Variants in BARHL1 observed in about 807,000 individuals in gnomAD.
BARHL1 encodes the protein BarH like homeobox 1.
A neutral mutation model predicts 20.1 loss-of-function variants in BARHL1; 2 were observed. The ratio of observed to expected loss-of-function variants is 0.10; its 90% CI spans 0.04 to 0.31. The LOEUF is 0.31. Among genes scored for constraint, BARHL1 ranks in the 10% least tolerant of loss-of-function variants. The probability of loss-of-function intolerance (pLI) is 1.00; values close to 1 mark genes in which losing one functional copy is unlikely to be tolerated. For synonymous variants in BARHL1, 213 were observed against 209.9 expected (o/e 1.01, Z -0.13); for missense variants, 397 against 454.0 (o/e 0.87, Z 1.14).
Position 132,587,445 on chromosome 9 carries a change from C to G in BARHL1, c.583C>G (p.Arg195Gly). The G allele has an allele frequency of 6.2e-7, 1 of 1,612,552 alleles. No homozygotes were observed. Among genetic ancestry groups the G allele is most frequent in the Non-Finnish European group, 8.5e-7 (1 of 1,179,664 alleles). ...CGACCATCAGCTGGCGCAGCTGGAGCGCAGCTTCGAGCGGCAGAAGTACCT... is the reference window on the plus strand; with the variant it reads ...CGACCATCAGCTGGCGCAGCTGGAGGGCAGCTTCGAGCGGCAGAAGTACCT... Reference protein sequence around the residue: ...FTDHQLAQLERSFERQKYLSV... With the variant: ...FTDHQLAQLEGSFERQKYLSV... The change falls in exon 2 of 3, where the codon CGC becomes GGC. Residue 195 changes from arginine (R) to glycine (G), a missense_variant. This residue lies in a region of BARHL1 where 272 missense variants were observed against 298.7 expected (regional missense o/e 0.91). Coordinates refer to ENST00000263610, the MANE Select transcript of BARHL1 (RefSeq NM_020064.4). The surrounding 1 kb of genome is among the most constrained non-coding windows in gnomAD (Gnocchi z 5.5).
Position 132,587,841 on chromosome 9 carries a change from C to T in BARHL1, c.689+290C>T, listed in dbSNP as rs1347539391. Among the ~76,000 whole-genome samples the T allele has an allele frequency of 2.0e-5, 3 of 152,204 alleles. No individual in the cohort carries two copies. The highest frequency in any genetic ancestry group is 1.9e-4 in the East Asian group (1 of 5,174). On this transcript the variant is annotated intron_variant, in intron 2 of 2. Coordinates refer to ENST00000263610, the MANE Select transcript of BARHL1 (RefSeq NM_020064.4). This position sits in a 1 kb window ranked among gnomAD's most constrained non-coding sequence, Gnocchi z 5.5. ...AATCCAAGTCCTGCCCCAGCTCAGC[C>T]GGAGTGGGGGGAGGTCTGCCTGGAG...
In BARHL1 at chr9:132,582,645, C is replaced by G. The variant is rs960743735; in HGVS notation, c.-153C>G. The G allele has an allele frequency of 1.4e-4, 95 of 676,602 alleles. No individual in the cohort carries two copies. In the East Asian group the frequency reaches 2.1e-3, roughly 15 times the overall value. The allele number at this position is 676,602 out of a possible 1,614,324, so 41.9% of individuals were successfully genotyped here. On this transcript the variant is annotated 5_prime_UTR_variant, in exon 1 of 3. Transcript: ENST00000263610. ...GCGCAGAGGAGGTTGGCCCAGAGCTCCCGGGCTCCCCCAAGGCTGAACTCC... is the reference window on the plus strand; with the variant it reads ...GCGCAGAGGAGGTTGGCCCAGAGCTGCCGGGCTCCCCCAAGGCTGAACTCC...
chr9:132,589,328 C>G lies in BARHL1; in HGVS notation c.790C>G (p.Pro264Ala). Residue 264 changes from proline (P) to alanine (A), a missense_variant, in exon 3 of 3, where the codon CCG (proline) becomes GCG (alanine). Transcript: ENST00000263610. The stretch of plus-strand genomic sequence containing the variant: ...GATGTTCCCGTCGCCTTATTTCTAC[C>G]CGCAGAGTCTGGTTTCCAACCTGGA... ...QRMFPSPYFY[P>A]QSLVSNLDPG... 2 of 1,613,624 alleles carry G rather than the reference C, an allele frequency of 1.2e-6. No individual in the cohort carries two copies. The highest frequency in any genetic ancestry group is 8.5e-7 in the Non-Finnish European group (1 of 1,180,000).
At position 132,582,608 on chromosome 9, in the gene BARHL1, T is replaced by G; in HGVS notation, c.-190T>G. The G allele has an allele frequency of 7.0e-6, 4 of 568,514 alleles. No individual in the cohort carries two copies. The highest frequency in any genetic ancestry group is 9.3e-6 in the Non-Finnish European group (3 of 321,794). 35.2% of individuals were successfully genotyped at this position (568,514 alleles called of 1,614,324 possible). On this transcript the variant is annotated 5_prime_UTR_variant, in exon 1 of 3. Coordinates refer to ENST00000263610, the MANE Select transcript of BARHL1 (RefSeq NM_020064.4). ...TGCTGCAGAAGACGCACTGAGCCCT[T>G]TTGGATCTAATGCGCAGAGGAGGTT...
Position 132,589,562 on chromosome 9 carries a change from C to T in BARHL1, c.*40C>T, listed in dbSNP as rs1177333871. On this transcript the variant is annotated 3_prime_UTR_variant, in exon 3 of 3. Coordinates refer to ENST00000263610, the MANE Select transcript of BARHL1 (RefSeq NM_020064.4). ...CCGGGGCCTCCTCCCGCGGGCTCGGCGTGGCCCCTTCCGCCCGCCTTTCTG... is the reference window on the plus strand; with the variant it reads ...CCGGGGCCTCCTCCCGCGGGCTCGGTGTGGCCCCTTCCGCCCGCCTTTCTG... The T allele has an allele frequency of 8.0e-7, 1 of 1,252,370 alleles. No individual in the cohort carries two copies. The highest frequency in any genetic ancestry group is 1.0e-6 in the Non-Finnish European group (1 of 1,002,548). 77.6% of individuals were successfully genotyped at this position (1,252,370 alleles called of 1,614,324 possible). A position where few individuals can be genotyped will look rare whatever the true frequency, so the allele number is the denominator to read the frequency against.
rs1368618643 is a variant in BARHL1 at position 132,589,248 on chromosome 9, C to T, written c.710C>T (p.Thr237Met). Residue 237 changes from threonine to methionine, a missense_variant, in exon 3 of 3, where the codon ACG (threonine) becomes ATG (methionine). Physicochemically the swap from Thr to Met is moderately conservative, Grantham distance 81. Around this residue, in one of 3 missense-constraint regions of BARHL1, gnomAD observed 121 missense variants for 135.9 expected, o/e 0.89. Transcript: ENST00000263610. ...CCCAGGACTAAATGGAAGCGACAGA[C>T]GGCCGTCGGGTTGGAGCTGCTGGCG... Reference protein sequence around the residue: ...QNRRTKWKRQTAVGLELLAEA... With the variant: ...QNRRTKWKRQMAVGLELLAEA... 2 of 1,612,040 alleles carry T rather than the reference C, an allele frequency of 1.2e-6. No homozygotes were observed. The highest frequency in any genetic ancestry group is 1.7e-5 in the Admixed American group (1 of 59,788).
At chr9:132,586,342 T>G (rs939126085) in intron 1 of BARHL1, among the ~76,000 whole-genome samples, 57 of 152,136 alleles carry the variant, frequency 3.7e-4, no homozygotes, top group African/African-American at 1.3e-3. Context: ...GCCGCCAATT[T>G]TGGGGAAGTG....
rs1282969031 is a variant in BARHL1, at chr9:132,587,313, G to T, written c.467-16G>T. 7.6e-6 allele frequency: 12 copies of T among 1,585,504 alleles called. No homozygotes were observed. Among genetic ancestry groups the T allele is most frequent in the Non-Finnish European group, 7.7e-6 (9 of 1,168,310 alleles). ...CGGCTGCGAGGCCGGGCCCTGACAT[G>T]CCGCTGTGTCCGCAGTGAAGGAGGA... On this transcript the variant is annotated splice_polypyrimidine_tract_variant and intron_variant, in intron 1 of 2. Coordinates refer to ENST00000263610, the MANE Select transcript of BARHL1 (RefSeq NM_020064.4). The surrounding 1 kb of genome is among the most constrained non-coding windows in gnomAD (Gnocchi z 5.5).
chr9:132,587,289 G>T lies in BARHL1; in HGVS notation c.467-40G>T. Reference sequence around the variant, plus strand: ...GCAGGAGCGGGAGGGCACCGGCGGCGGCTGCGAGGCCGGGCCCTGACATGC... The same window carrying T: ...GCAGGAGCGGGAGGGCACCGGCGGCTGCTGCGAGGCCGGGCCCTGACATGC... On this transcript the variant is annotated intron_variant, in intron 1 of 2. Transcript: ENST00000263610. This position sits in a 1 kb window ranked among gnomAD's most constrained non-coding sequence, Gnocchi z 5.5. The T allele has an allele frequency of 6.5e-7, 1 of 1,538,168 alleles. No homozygotes were observed.
chr9:132,582,732 G>C lies in BARHL1; in HGVS notation c.-66G>C. On this transcript the variant is annotated 5_prime_UTR_variant, in exon 1 of 3. Transcript: ENST00000263610. ...CATGCCAGCCCGCAGCTAGGGGCAG[G>C]GGCAGCGGCGGCTGGGGTTGGGGGT... 1 of 1,386,316 alleles carries C rather than the reference G, an allele frequency of 7.2e-7. No homozygotes were observed. The highest frequency in any genetic ancestry group is 9.8e-7 in the Non-Finnish European group (1 of 1,020,762). The allele number at this position is 1,386,316 out of a possible 1,614,324, so 85.9% of individuals were successfully genotyped here.
Position 132,587,549 on chromosome 9 carries a change from C to G in BARHL1, c.687C>G (p.Arg229=). 6.2e-7 allele frequency: 1 copy of G among 1,608,588 alleles called. No homozygotes were observed. The highest frequency in any genetic ancestry group is 8.5e-7 in the Non-Finnish European group (1 of 1,177,330). The change falls in exon 2 of 3, where the codon CGC becomes CGG. Residue 229 remains arginine, a splice_region_variant and synonymous_variant. Coordinates refer to ENST00000263610, the MANE Select transcript of BARHL1 (RefSeq NM_020064.4). This position sits in a 1 kb window ranked among gnomAD's most constrained non-coding sequence, Gnocchi z 5.5. ...AGGTCAAGACCTGGTACCAGAACCG[C>G]AGGTGAGGCCTGGCTGCGGGGGTAG... is the stretch of plus-strand genomic sequence containing the variant. ...DTQVKTWYQN[R]RTKWKRQTAV...
At position 132,589,623 on chromosome 9, in the gene BARHL1, C is replaced by G. The variant is rs956853942; in HGVS notation, c.*101C>G. On this transcript the variant is annotated 3_prime_UTR_variant, in exon 3 of 3. Transcript: ENST00000263610. ...TTCGACGCCCTTTCCCGGGAGGGGG[C>G]CCTGCCCGGCCCTCCCTGGCGCCCC... 3.3e-6 allele frequency: 4 copies of G among 1,223,732 alleles called. No individual in the cohort carries two copies. Among genetic ancestry groups the G allele is most frequent in the Admixed American group, 4.4e-5 (1 of 22,744 alleles). The allele number at this position is 1,223,732 out of a possible 1,614,324, so 75.8% of individuals were successfully genotyped here. A position where few individuals can be genotyped will look rare whatever the true frequency, so the allele number is the denominator to read the frequency against.
chr9:132,584,121 AGAAGGAAGGAAG>A (rs67522848), intron 1 of BARHL1, among the ~76,000 whole-genome samples: 3,120 of 144,192 alleles, frequency 0.022, 117 homozygotes, highest in African/African-American at 0.07. Context: ...AAGGAAAGGG[AGAAGGAAGGAAG>A]GAAGGAAGGA....
Position 132,587,857 on chromosome 9 carries a change from C to T in BARHL1, c.689+306C>T, listed in dbSNP as rs1589938755. ...CAGCTCAGCCGGAGTGGGGGGAGGT[C>T]TGCCTGGAGCCCCCACCTGAGCCAG... On this transcript the variant is annotated intron_variant, in intron 2 of 2. Transcript: ENST00000263610. The surrounding 1 kb of genome is among the most constrained non-coding windows in gnomAD (Gnocchi z 5.5). 6.6e-6 allele frequency among the ~76,000 whole-genome samples: 1 copy of T among 152,206 alleles called. No homozygotes were observed. The highest frequency in any genetic ancestry group is 1.9e-4 in the East Asian group (1 of 5,188).
At position 132,589,721 on chromosome 9, in the gene BARHL1, C is replaced by A. The variant is rs544968589; in HGVS notation, c.*199C>A. The A allele has an allele frequency of 5.7e-6, 4 of 695,672 alleles. No homozygotes were observed. In the African/African-American group the frequency reaches 7.5e-5, roughly 13 times the overall value. 43.1% of individuals were successfully genotyped at this position (695,672 alleles called of 1,614,324 possible). On this transcript the variant is annotated 3_prime_UTR_variant, in exon 3 of 3. Coordinates refer to ENST00000263610, the MANE Select transcript of BARHL1 (RefSeq NM_020064.4). ...GACCCCGGACTGCGTCTCCCCAGCC[C>A]CCCTCGGCGTCCTCTCTCGCGGCCG...
At position 132,585,322 on chromosome 9, in the gene BARHL1, C is replaced by G. The variant is rs1326296476; in HGVS notation, c.467-2007C>G. Among the ~76,000 whole-genome samples, 8 of 152,308 alleles carry G rather than the reference C, an allele frequency of 5.3e-5. No homozygotes were observed. The East Asian group carries it at 9.6e-4, about 18-fold the overall frequency. On this transcript the variant is annotated intron_variant, in intron 1 of 2. Coordinates refer to ENST00000263610, the MANE Select transcript of BARHL1 (RefSeq NM_020064.4). ...AGGGGACCTTTTCAGAGCTGAGAAA[C>G]AGACACCCTGAGCCAGTCCGTGGAG...
At position 132,589,633 on chromosome 9, in the gene BARHL1, C is replaced by T; in HGVS notation, c.*111C>T. 8.2e-6 allele frequency: 10 copies of T among 1,216,750 alleles called. No individual in the cohort carries two copies. Among genetic ancestry groups the T allele is most frequent in the Non-Finnish European group, 9.2e-6 (9 of 978,620 alleles). The allele number at this position is 1,216,750 out of a possible 1,614,324, so 75.4% of individuals were successfully genotyped here. ...TTTCCCGGGAGGGGGCCCTGCCCGG[C>T]CCTCCCTGGCGCCCCAGCCCAGTGC... On this transcript the variant is annotated 3_prime_UTR_variant, in exon 3 of 3. Transcript: ENST00000263610.
chr9:132,587,371 G>C lies in BARHL1; in HGVS notation c.509G>C (p.Ser170Thr). 6.2e-7 allele frequency: 1 copy of C among 1,611,274 alleles called. No individual in the cohort carries two copies. The highest frequency in any genetic ancestry group is 8.5e-7 in the Non-Finnish European group (1 of 1,179,498). Residue 170 changes from serine (S) to threonine (T), a missense_variant, in exon 2 of 3, where the codon AGT becomes ACT. Coordinates refer to ENST00000263610, the MANE Select transcript of BARHL1 (RefSeq NM_020064.4). The surrounding 1 kb of genome is among the most constrained non-coding windows in gnomAD (Gnocchi z 5.5). ...GDREISSSRD[S>T]PPVRLKKPRK... is the part of the protein sequence containing the mutation. Reference sequence around the variant, plus strand: ...CGCGAGATCTCCAGCTCCAGGGACAGTCCCCCGGTGCGCCTGAAAAAGCCA... The same window carrying C: ...CGCGAGATCTCCAGCTCCAGGGACACTCCCCCGGTGCGCCTGAAAAAGCCA...
Position 132,589,588 on chromosome 9 carries a change from A to T in BARHL1, c.*66A>T, listed in dbSNP as rs1004632799. On this transcript the variant is annotated 3_prime_UTR_variant, in exon 3 of 3. Transcript: ENST00000263610. ...GTGGCCCCTTCCGCCCGCCTTTCTG[A>T]GGGCGCAGGTTCGACGCCCTTTCCC... 6.8e-5 allele frequency: 84 copies of T among 1,238,256 alleles called. No homozygotes were observed. Among genetic ancestry groups the T allele is most frequent in the Middle Eastern group, 3.1e-4 (1 of 3,214 alleles). The allele number at this position is 1,238,256 out of a possible 1,614,324, so 76.7% of individuals were successfully genotyped here.
Sources: allele counts gnomAD v4.1 joint callset (sites outside exome capture counted in the v4.1 genomes callset), GRCh38; gene constraint gnomAD v4.1.1; regional missense constraint gnomAD v4.1.1; non-coding constraint Gnocchi (gnomAD v3.1); transcripts MANE v1.5; gene names NCBI Gene and HGNC (gene_info 2026-07-23, HGNC 2026-07-21).